PSD3: variants seen among roughly 807,000 people sequenced by gnomAD.
PSD3 encodes PH and SEC7 domain-containing protein 3.
A neutral mutation model predicts 105.5 loss-of-function variants in PSD3; 49 were observed. The observed-to-expected ratio is 0.46, with a 90% confidence interval of 0.37 to 0.59. The LOEUF is 0.59. Among genes scored for constraint, PSD3 ranks in the 20% least tolerant of loss-of-function variants. The probability of loss-of-function intolerance (pLI) is 0.00; values close to 1 mark genes in which losing one functional copy is unlikely to be tolerated. For missense variants in PSD3, 1,561 were observed against 1,263.8 expected (o/e 1.24, Z -3.57); for synonymous variants, 557 against 457.8 (o/e 1.22, Z -2.77).
intron 1 of PSD3, among the ~76,000 whole-genome samples, chr8:18,988,610 A>G (rs1825630802): frequency 1.4e-5 from 1 of 73,312 alleles, no homozygotes; most frequent in South Asian, 4.4e-4. Context: ...CCAACCCCCA[A>G]TGCCAAGCTC....
At chr8:18,647,391 A>T (rs1808118268) in intron 10 of PSD3, among the ~76,000 whole-genome samples, 1 of 152,244 alleles carries the variant, frequency 6.6e-6, no homozygotes, top group African/African-American at 2.4e-5. Context: ...TAGCAAATAC[A>T]GCAAATGTTT....
chr8:19,066,997 A>G (rs77345446), intron 1 of PSD3, among the ~76,000 whole-genome samples: 7,003 of 152,270 alleles, frequency 0.046, 214 homozygotes, highest in African/African-American at 0.085. Flanking sequence ...GAAAAGCCTT[A>G]TGACTATTAT....
intron 1 of PSD3, among the ~76,000 whole-genome samples, chr8:19,063,728 A>T (rs113755206): frequency 6.6e-6 from 1 of 152,218 alleles, no homozygotes; most frequent in African/African-American, 2.4e-5. Flanking sequence ...AGGACACAGA[A>T]TCCTGGCCTG....
chr8:19,080,282 G>A (rs1037707112), intron 1 of PSD3, among the ~76,000 whole-genome samples: 21 of 152,198 alleles, frequency 1.4e-4, no homozygotes, highest in African/African-American at 4.6e-4. Flanking sequence ...TTTTGAGGTA[G>A]AAAGATTTCC....
At chr8:18,656,059 T>C (rs1808869760) in intron 9 of PSD3, among the ~76,000 whole-genome samples, 1 of 152,194 alleles carries the variant, frequency 6.6e-6, no homozygotes, top group South Asian at 2.1e-4. Flanking sequence ...CATACTTTTT[T>C]CTTTTCTTCT....
intron 6 of PSD3, chr8:18,804,230 C>G: frequency 3.7e-6 from 1 of 270,628 alleles, no homozygotes; most frequent in African/African-American, 2.2e-5. Context: ...GCTCCAAAAT[C>G]TACAACACTT....
intron 9 of PSD3, among the ~76,000 whole-genome samples, chr8:18,727,052 G>T (rs185595515): frequency 1.3e-5 from 2 of 152,072 alleles, no homozygotes; most frequent in African/African-American, 4.8e-5. Flanking sequence ...AAATCGTCCA[G>T]GCAGGCCAGG....
chr8:19,037,751 C>G (rs73666797), intron 1 of PSD3, among the ~76,000 whole-genome samples: 1,729 of 152,186 alleles, frequency 0.011, 38 homozygotes, highest in African/African-American at 0.04. Flanking sequence ...GAACTTGCAT[C>G]ATGGGTTCCT....
intron 9 of PSD3, among the ~76,000 whole-genome samples, chr8:18,708,991 C>G (rs566546571): frequency 6.6e-6 from 1 of 152,276 alleles, no homozygotes; most frequent in East Asian, 1.9e-4. Flanking sequence ...CAGGAGATCC[C>G]CTTGTGAACC....
intron 8 of PSD3, among the ~76,000 whole-genome samples, chr8:18,767,812 C>T (rs1390486482): frequency 6.6e-6 from 1 of 151,900 alleles, no homozygotes; most frequent in Admixed American, 6.6e-5. Context: ...TACCTGCATA[C>T]ACTACTACTA....
At chr8:18,934,182 G>C (rs1395324445) in intron 2 of PSD3, among the ~76,000 whole-genome samples, 3 of 152,154 alleles carry the variant, frequency 2.0e-5, no homozygotes, top group African/African-American at 7.2e-5. Context: ...AAAATGTGTA[G>C]TTCATACCTG....
At chr8:18,663,769 G>A (rs1397144564) in intron 9 of PSD3, among the ~76,000 whole-genome samples, 1 of 152,206 alleles carries the variant, frequency 6.6e-6, no homozygotes, top group Non-Finnish European at 1.5e-5. Context: ...ATACCTCACT[G>A]TATTGTGCTT....
At chr8:18,951,526 C>G (rs1823234573) in intron 1 of PSD3, among the ~76,000 whole-genome samples, 1 of 152,138 alleles carries the variant, frequency 6.6e-6, no homozygotes, top group Non-Finnish European at 1.5e-5. Context: ...CCACAAAGTA[C>G]CTGGAAAAAT....
At chr8:18,744,513 T>A (rs1167342064) in intron 9 of PSD3, among the ~76,000 whole-genome samples, 1 of 152,226 alleles carries the variant, frequency 6.6e-6, no homozygotes, top group Non-Finnish European at 1.5e-5. Context: ...TATTCTCAAT[T>A]TTTTGCTATT....
At chr8:18,775,901 AC>A (rs35055275) in intron 8 of PSD3, among the ~76,000 whole-genome samples, 1 of 151,702 alleles carries the variant, frequency 6.6e-6, no homozygotes. Context: ...TCCCCCGCCG[AC>A]CCCCTGCAAA....
intron 9 of PSD3, among the ~76,000 whole-genome samples, chr8:18,710,407 T>G (rs553387950): frequency 5.6e-4 from 85 of 152,010 alleles, no homozygotes; most frequent in African/African-American, 1.9e-3. Context: ...CAGAACCAGG[T>G]TGGAAAACAT....
chr8:18,974,892 C>T (rs1036233394), intron 1 of PSD3, among the ~76,000 whole-genome samples: 4 of 151,838 alleles, frequency 2.6e-5, no homozygotes, highest in African/African-American at 9.7e-5. Flanking sequence ...GTGCTAATTA[C>T]AAACAGGTCA....
intron 4 of PSD3, among the ~76,000 whole-genome samples, chr8:18,817,161 T>A (rs1338843910): frequency 6.6e-6 from 1 of 152,178 alleles, no homozygotes; most frequent in Non-Finnish European, 1.5e-5. Flanking sequence ...TTCAAAGTAG[T>A]CAATCACTTG....
chr8:18,949,238 AAAAAAAATATATATATAT>A (rs1391809638), intron 1 of PSD3, among the ~76,000 whole-genome samples: 3 of 43,810 alleles, frequency 6.8e-5, no homozygotes, highest in Admixed American at 2.5e-4. Context: ...AAAAAAAAAA[AAAAAAAATATATATATAT>A]ATATATATAT....
Sources: gnomAD v4.1 joint callset for allele counts (sites outside exome capture counted in the v4.1 genomes callset) on GRCh38, gnomAD v4.1.1 for gene constraint, MANE v1.5 for transcripts, NCBI Gene and HGNC (gene_info 2026-07-23, HGNC 2026-07-21) for gene names.